Variants in TTC27 observed in about 807,000 individuals in gnomAD.
The protein encoded by TTC27 is tetratricopeptide repeat domain 27, also known as tetratricopeptide repeat protein 27.
In TTC27, 79 loss-of-function variants were observed where a neutral mutation model predicts 115.9. That is an observed-to-expected ratio of 0.68 (90% confidence interval 0.57 to 0.82). The LOEUF is 0.82. TTC27 is among the 40% of genes least tolerant of loss of function. The probability of loss-of-function intolerance (pLI) is 0.00; values close to 1 mark genes in which losing one functional copy is unlikely to be tolerated. For synonymous variants in TTC27, 401 were observed against 356.0 expected (o/e 1.13, Z -1.42); for missense variants, 1,054 against 993.1 (o/e 1.06, Z -0.82).
intron 12 of TTC27, among the ~76,000 whole-genome samples, chr2:32,740,613 C>T (rs1044782044): frequency 2.6e-5 from 4 of 152,078 alleles, no homozygotes; most frequent in South Asian, 2.1e-4. Flanking sequence ...TGAGCTGTTT[C>T]GAATGAGTGG....
chr2:32,648,074 C>T (rs150190667), intron 4 of TTC27, among the ~76,000 whole-genome samples: 5 of 152,072 alleles, frequency 3.3e-5, no homozygotes, highest in African/African-American at 4.8e-5. Flanking sequence ...TGATTTTTTC[C>T]GCTGGAGGAG....
intron 10 of TTC27, among the ~76,000 whole-genome samples, chr2:32,706,540 C>T (rs939047204): frequency 1.3e-5 from 2 of 151,978 alleles, no homozygotes; most frequent in African/African-American, 2.4e-5. Context: ...AATTTTAGAA[C>T]CTCAATATCC....
At chr2:32,755,080 C>G (rs1000467898) in intron 12 of TTC27, among the ~76,000 whole-genome samples, 1 of 151,826 alleles carries the variant, frequency 6.6e-6, no homozygotes, top group Non-Finnish European at 1.5e-5. Context: ...CGGGCAGAGA[C>G]GCTCCTCACT....
intron 16 of TTC27, among the ~76,000 whole-genome samples, chr2:32,808,797 A>T (rs2148044538): frequency 6.6e-6 from 1 of 152,300 alleles, no homozygotes; most frequent in African/African-American, 2.4e-5. Context: ...GCAAAGCATC[A>T]CTCATTAGTG....
intron 12 of TTC27, among the ~76,000 whole-genome samples, chr2:32,742,081 C>G (rs1208029634): frequency 6.6e-6 from 1 of 152,196 alleles, no homozygotes; most frequent in Non-Finnish European, 1.5e-5. Flanking sequence ...TTGTCATATG[C>G]TATTCATAAC....
chr2:32,656,726 T>G lies in TTC27; in HGVS notation c.640+6493T>G, dbSNP rs531253978. 2.0e-5 allele frequency among the ~76,000 whole-genome samples: 3 copies of G among 152,312 alleles called. No homozygotes were observed. The East Asian group carries it at 5.8e-4, about 29-fold the overall frequency. On this transcript the variant is annotated intron_variant, in intron 5 of 19. Transcript: ENST00000317907. ...CTTGGTAAACCTTACAAACTTGATG[T>G]GTGAGGTTGTAGCCAAATTCTACCC...
intron 8 of TTC27, among the ~76,000 whole-genome samples, chr2:32,673,318 G>A (rs902515218): frequency 2.0e-5 from 3 of 150,770 alleles, no homozygotes; most frequent in East Asian, 2.0e-4. Flanking sequence ...TCCGCCCCAC[G>A]GGCTCAAGCG....
intron 16 of TTC27, among the ~76,000 whole-genome samples, chr2:32,809,903 G>T (rs752854946): frequency 6.6e-6 from 1 of 152,142 alleles, no homozygotes; most frequent in Non-Finnish European, 1.5e-5. Context: ...TGGGTCACGA[G>T]GTCAGGAGTT....
At chr2:32,747,234 G>T (rs1404996687) in intron 12 of TTC27, among the ~76,000 whole-genome samples, 1 of 152,106 alleles carries the variant, frequency 6.6e-6, no homozygotes, top group Non-Finnish European at 1.5e-5. Context: ...CAAATGTGAA[G>T]ATTTTCCTGA....
intron 7 of TTC27, among the ~76,000 whole-genome samples, chr2:32,671,609 T>A (rs1220728124): frequency 6.6e-6 from 1 of 152,264 alleles, no homozygotes; most frequent in Non-Finnish European, 1.5e-5. Context: ...TTATAGTAAT[T>A]CTTGAAATCA....
chr2:32,672,504 T>C (rs1666048657), intron 8 of TTC27, 120 bp downstream of exon 8: 1 of 675,834 alleles, frequency 1.5e-6, no homozygotes, highest in Non-Finnish European at 2.6e-6. Flanking sequence ...TTTGTAGTGC[T>C]TATGAAGATC....
chr2:32,723,589 C>T (rs567490419), intron 10 of TTC27, among the ~76,000 whole-genome samples: 3 of 152,122 alleles, frequency 2.0e-5, no homozygotes, highest in East Asian at 3.9e-4. Context: ...TGAGGGCCAA[C>T]TCTCTGGGGC....
At chr2:32,699,803 G>C (rs1318937542) in intron 9 of TTC27, among the ~76,000 whole-genome samples, 2 of 152,148 alleles carry the variant, frequency 1.3e-5, no homozygotes, top group Non-Finnish European at 2.9e-5. Flanking sequence ...CTTTTCAAAT[G>C]TCTGTCAGAT....
intron 7 of TTC27, 102 bp downstream of exon 7, chr2:32,666,870 A>G (rs915237059): frequency 1.5e-6 from 2 of 1,324,604 alleles, no homozygotes; most frequent in African/African-American, 1.5e-5. Context: ...GACAGACTTC[A>G]TTTTATTCTT....
intron 10 of TTC27, among the ~76,000 whole-genome samples, chr2:32,728,701 T>C (rs1308912445): frequency 6.6e-6 from 1 of 152,208 alleles, no homozygotes; most frequent in African/African-American, 2.4e-5. Flanking sequence ...CTTATGACTT[T>C]GGGCAAGTCA....
intron 9 of TTC27, among the ~76,000 whole-genome samples, chr2:32,696,035 A>G (rs941707778): frequency 1.6e-3 from 247 of 150,888 alleles, no homozygotes; most frequent in African/African-American, 5.8e-3. Context: ...AGGCAGGAGC[A>G]TTGCTTGAAC....
At chr2:32,754,850 CG>C (rs1261259170) in intron 12 of TTC27, among the ~76,000 whole-genome samples, 3 of 142,918 alleles carry the variant, frequency 2.1e-5, no homozygotes, top group East Asian at 2.2e-4. Context: ...CCCTCCCGGA[CG>C]GGGCGGCTGG....
chr2:32,634,059 T>G, intron 3 of TTC27, 54 bp downstream of exon 3: 1 of 1,554,358 alleles, frequency 6.4e-7, no homozygotes, highest in Non-Finnish European at 8.7e-7. Flanking sequence ...TTATTTTTTA[T>G]AAGCAGGTCT....
At chr2:32,742,335 A>G (rs577277755) in intron 12 of TTC27, among the ~76,000 whole-genome samples, 7 of 152,362 alleles carry the variant, frequency 4.6e-5, no homozygotes, top group African/African-American at 1.7e-4. Flanking sequence ...ATAAATTGGT[A>G]ATGCAAATAA....
Sources: allele counts gnomAD v4.1 joint callset (sites outside exome capture counted in the v4.1 genomes callset), GRCh38; gene constraint gnomAD v4.1.1; transcripts MANE v1.5; gene names NCBI Gene and HGNC (gene_info 2026-07-23, HGNC 2026-07-21).